Variants in ZFHX2 observed in about 807,000 individuals in gnomAD.
The protein encoded by ZFHX2 is zinc finger homeobox 2, also known as zinc finger homeobox protein 2.
ZFHX2 carries 75 observed loss-of-function variants against 164.8 expected under a neutral mutation model. The ratio of observed to expected loss-of-function variants is 0.46; its 90% CI spans 0.38 to 0.55. The LOEUF (loss-of-function observed/expected upper bound fraction) is 0.55, where lower values mean the gene tolerates loss of function less well. Ranked by LOEUF, ZFHX2 falls within the 20% of genes least tolerant of loss-of-function variation. ZFHX2 has a pLI of 0.00. For synonymous variants in ZFHX2, 1,217 were observed against 1,351.4 expected (o/e 0.90, Z 2.18); for missense variants, 2,933 against 3,308.0 (o/e 0.89, Z 2.78).
At chr14:23,530,042 T>C (rs1668711697) in intron 5 of ZFHX2, 78 bp downstream of exon 5, 1 of 1,351,172 alleles carries the variant, frequency 7.4e-7, no homozygotes, top group African/African-American at 1.5e-5. Context: ...CAGACATTGC[T>C]GGGCTCCTGG....
chr14:23,522,979 T>G, intron 9 of ZFHX2, 38 bp from the exon 10 acceptor site: 22 of 1,427,990 alleles, frequency 1.5e-5, no homozygotes, highest in Non-Finnish European at 1.9e-5. Context: ...ATTAGCCATC[T>G]CCTGTCCCAT....
intron 1 of ZFHX2, among the ~76,000 whole-genome samples, chr14:23,545,429 C>T (rs926274869): frequency 1.3e-5 from 2 of 151,368 alleles, no homozygotes; most frequent in African/African-American, 4.8e-5. Context: ...GCCTACTGCA[C>T]TCCTTCCTTT....
Position 23,524,558 on chromosome 14 carries a change from G to A in ZFHX2, c.5384C>T (p.Ser1795Phe), listed in dbSNP as rs1174313850. The stretch of plus-strand genomic sequence containing the variant: ...TTGGGGGGGAGCACTGGGCTGCAGA[G>A]ATGGCAGGAAATGTAGTCGGCGGTG... ...TSHRRLHFLP[S>F]LQPSAPPQLL... Residue 1795 changes from serine (S) to phenylalanine (F), a missense_variant, in exon 9 of 10, where the codon TCT becomes TTT. Physicochemically the swap from Ser to Phe is radical, Grantham distance 155. Coordinates refer to ENST00000419474, the MANE Select transcript of ZFHX2 (RefSeq NM_033400.3). This position sits in a 1 kb window ranked among gnomAD's most constrained non-coding sequence, Gnocchi z 5.6. 11 of 1,532,278 alleles carry A rather than the reference G, an allele frequency of 7.2e-6. No individual in the cohort carries two copies. The Admixed American group carries it at 9.8e-5, about 14-fold the overall frequency. The allele number at this position is 1,532,278 out of a possible 1,614,324, so 94.9% of individuals were successfully genotyped here.
intron 6 of ZFHX2, chr14:23,528,484 T>G: frequency 1.7e-6 from 1 of 574,776 alleles, no homozygotes; most frequent in Non-Finnish European, 2.2e-6. Flanking sequence ...CACCTTGGAT[T>G]TAGTTTTCTT....
In ZFHX2 at chr14:23,531,741, C is replaced by A; in HGVS notation, c.2560-20G>T. The A allele has an allele frequency of 7.6e-7, 1 of 1,319,464 alleles. No homozygotes were observed. The highest frequency in any genetic ancestry group is 9.7e-7 in the Non-Finnish European group (1 of 1,031,660). 81.7% of individuals were successfully genotyped at this position (1,319,464 alleles called of 1,614,324 possible). ...CAGAAACTAGAACCATGGGAAGAGG[C>A]TGGCTCAGGCCCAGAAGGGACATGC... On this transcript the variant is annotated intron_variant, in intron 3 of 9. Transcript: ENST00000419474.
In ZFHX2 at chr14:23,523,979, G is replaced by A; in HGVS notation, c.5963C>T (p.Thr1988Ile). 1 of 1,528,870 alleles carries A rather than the reference G, an allele frequency of 6.5e-7. No individual in the cohort carries two copies. Among genetic ancestry groups the A allele is most frequent in the Non-Finnish European group, 8.8e-7 (1 of 1,142,302 alleles). The allele number at this position is 1,528,870 out of a possible 1,614,324, so 94.7% of individuals were successfully genotyped here. ...TAGAGGTGGCTCTGGTGTTGGGGTGGTGGCCTCTTTCCCAGGTGGTAGGAA... is the reference window on the plus strand; with the variant it reads ...TAGAGGTGGCTCTGGTGTTGGGGTGATGGCCTCTTTCCCAGGTGGTAGGAA... ...QPFLPPGKEATTPTPEPPLPL... is the reference protein window; with the variant it reads ...QPFLPPGKEAITPTPEPPLPL... The change falls in exon 9 of 10, where the codon ACC becomes ATC. Residue 1988 changes from threonine (T) to isoleucine (I), a missense_variant. Transcript: ENST00000419474. The surrounding 1 kb of genome is among the most constrained non-coding windows in gnomAD (Gnocchi z 4.1).
At chr14:23,539,930 T>C (rs1880613076) in intron 1 of ZFHX2, among the ~76,000 whole-genome samples, 1 of 152,208 alleles carries the variant, frequency 6.6e-6, no homozygotes, top group Admixed American at 6.5e-5. Flanking sequence ...CGAAGTGAAG[T>C]CTATCAGGGC....
Position 23,523,625 on chromosome 14 carries a change from T to C in ZFHX2, c.6317A>G (p.Lys2106Arg), listed in dbSNP as rs772190739. Residue 2106 changes from lysine to arginine, a missense_variant, in exon 9 of 10, where the codon AAG becomes AGG. By Grantham distance (26) the Lys-to-Arg change is conservative. Coordinates refer to ENST00000419474, the MANE Select transcript of ZFHX2 (RefSeq NM_033400.3). This position sits in a 1 kb window ranked among gnomAD's most constrained non-coding sequence, Gnocchi z 4.1. ...EVLGEEIGLP[K>R]RVIQVWFQNA... ...CTGGAACCAGACCTGGATGACTCTC[T>C]TGGGCAGCCCAATCTCCTCTCCCAG... 34 of 1,557,738 alleles carry C rather than the reference T, an allele frequency of 2.2e-5. No individual in the cohort carries two copies. The highest frequency in any genetic ancestry group is 2.7e-5 in the African/African-American group (2 of 73,940).
intron 6 of ZFHX2, chr14:23,528,955 CT>C: frequency 6.0e-6 from 3 of 497,592 alleles, no homozygotes; most frequent in Non-Finnish European, 7.8e-6. Flanking sequence ...CACCTAGCCC[CT>C]GGAGCAGACA....
Position 23,546,988 on chromosome 14 carries a change from A to G in ZFHX2, c.-50+4355T>C, listed in dbSNP as rs1254038063. On this transcript the variant is annotated intron_variant, in intron 1 of 9. Coordinates refer to ENST00000419474, the MANE Select transcript of ZFHX2 (RefSeq NM_033400.3). The surrounding 1 kb of genome is among the most constrained non-coding windows in gnomAD (Gnocchi z 4.7). The stretch of plus-strand genomic sequence containing the variant: ...CTTTTGTAGATTTCTCAACCCATTC[A>G]GGGGCTTTTTGGCCCTTCACCTCGT... 1.3e-5 allele frequency among the ~76,000 whole-genome samples: 2 copies of G among 152,168 alleles called. No individual in the cohort carries two copies. Among genetic ancestry groups the G allele is most frequent in the African/African-American group, 4.8e-5 (2 of 41,424 alleles).
chr14:23,532,954 GC>G lies in ZFHX2; in HGVS notation c.2171del (p.Cys724SerfsTer18). ...CCAGGCTGTCTGTGCTGAAGGCCTG[GC>G]ACACTAGGCAGCGGAACACCTTCAG... ...LSLKVFRCLV[C>X]QAFSTDSLEL... On this transcript the variant is annotated frameshift_variant, in exon 3 of 10. Coordinates refer to ENST00000419474, the MANE Select transcript of ZFHX2 (RefSeq NM_033400.3). LOFTEE classifies it high-confidence loss of function. 6.5e-7 allele frequency: 1 copy of G among 1,536,204 alleles called. No individual in the cohort carries two copies. The highest frequency in any genetic ancestry group is 8.7e-7 in the Non-Finnish European group (1 of 1,146,918).
chr14:23,544,620 G>T (rs942623616), intron 1 of ZFHX2, among the ~76,000 whole-genome samples: 1 of 152,198 alleles, frequency 6.6e-6, no homozygotes, highest in South Asian at 2.1e-4. Flanking sequence ...GTTGCTGTGA[G>T]CCCGTATGTG....
At position 23,534,378 on chromosome 14, in the gene ZFHX2, C is replaced by G. The variant is rs777886928; in HGVS notation, c.948G>C (p.Ala316=). 6 of 1,536,790 alleles carry G rather than the reference C, an allele frequency of 3.9e-6. No homozygotes were observed. In the South Asian group the frequency reaches 7.1e-5, roughly 18 times the overall value. Reference sequence around the variant, plus strand: ...GGCCATCCTCTGTCTGGGCCACATTCGCCTCCATGTTCACTGTGCTGCTGT... The same window carrying G: ...GGCCATCCTCTGTCTGGGCCACATTGGCCTCCATGTTCACTGTGCTGCTGT... ...LDNSSTVNME[A]NVAQTEDGPP... Residue 316 remains alanine, a synonymous_variant, in exon 2 of 10, where the codon GCG becomes GCC. Transcript: ENST00000419474. This position sits in a 1 kb window ranked among gnomAD's most constrained non-coding sequence, Gnocchi z 4.5.
intron 1 of ZFHX2, chr14:23,537,939 G>C (rs969145451): frequency 6.6e-6 from 1 of 152,504 alleles, no homozygotes; most frequent in Non-Finnish European, 1.5e-5. Context: ...ACAGGTGCGT[G>C]CTCTCTCCCA....
At chr14:23,532,066 G>A (rs113126188) in intron 3 of ZFHX2, 5,317 of 185,706 alleles carry the variant, frequency 0.029, 313 homozygotes, top group African/African-American at 0.12. Context: ...GTGAGCCACC[G>A]CACCTAGCCT....
chr14:23,552,068 A>G (rs1203224084), upstream of ZFHX2, among the ~76,000 whole-genome samples: 1 of 151,896 alleles, frequency 6.6e-6, no homozygotes, highest in African/African-American at 2.4e-5. Flanking sequence ...TGAGCCGCCC[A>G]AGGCCTCCTT....
chr14:23,522,156 C>G lies in ZFHX2; in HGVS notation c.7525G>C (p.Ala2509Pro), dbSNP rs750192377. 9.9e-6 allele frequency: 15 copies of G among 1,510,464 alleles called. No homozygotes were observed. The South Asian group carries it at 1.9e-4, about 19-fold the overall frequency. The allele number at this position is 1,510,464 out of a possible 1,614,324, so 93.6% of individuals were successfully genotyped here. A position where few individuals can be genotyped will look rare whatever the true frequency, so the allele number is the denominator to read the frequency against. Residue 2509 changes from alanine to proline, a missense_variant, in exon 10 of 10, where the codon GCC becomes CCC. Transcript: ENST00000419474. Reference protein sequence around the residue: ...ACEVLLSGREALASHLRSSAH... With the variant: ...ACEVLLSGREPLASHLRSSAH... ...GAGGAGCGCAGGTGGGAGGCTAGGG[C>G]TTCACGCCCACTCAGCAGCACCTCA...
rs1384243559 is a variant in ZFHX2, at chr14:23,524,819, C to T, written c.5123G>A (p.Gly1708Glu). 6.5e-7 allele frequency: 1 copy of T among 1,536,994 alleles called. No homozygotes were observed. The highest frequency in any genetic ancestry group is 8.7e-7 in the Non-Finnish European group (1 of 1,147,144). ...LEEEEEEAER[G>E]EEEEEVEEEE... ...TTCTTCCACCTCTTCCTCCTCTTCC[C>T]CTCTCTCTGCCTCTTCCTCCTCCTC... The change falls in exon 9 of 10, where the codon GGG becomes GAG. Residue 1708 changes from glycine (G) to glutamate (E), a missense_variant. Coordinates refer to ENST00000419474, the MANE Select transcript of ZFHX2 (RefSeq NM_033400.3). This position sits in a 1 kb window ranked among gnomAD's most constrained non-coding sequence, Gnocchi z 5.6.
intron 1 of ZFHX2, among the ~76,000 whole-genome samples, chr14:23,549,697 C>T (rs1388815445): frequency 1.3e-5 from 2 of 152,122 alleles, no homozygotes; most frequent in Non-Finnish European, 2.9e-5. Context: ...GGGAATGTCC[C>T]CTTACAAAAT....
Sources: allele counts gnomAD v4.1 joint callset (sites outside exome capture counted in the v4.1 genomes callset), GRCh38; gene constraint gnomAD v4.1.1; non-coding constraint Gnocchi (gnomAD v3.1); transcripts MANE v1.5; gene names NCBI Gene and HGNC (gene_info 2026-07-23, HGNC 2026-07-21).